Variants in RSPO2 observed in about 807,000 individuals in gnomAD.
RSPO2 encodes R-spondin 2.
Under a neutral mutation model 30.9 loss-of-function variants are expected in RSPO2, and 14 were observed. That is an observed-to-expected ratio of 0.45 (90% confidence interval 0.30 to 0.71). The LOEUF (loss-of-function observed/expected upper bound fraction) is 0.71, where lower values mean the gene tolerates loss of function less well. Ranked by LOEUF, RSPO2 falls within the 30% of genes least tolerant of loss-of-function variation. The pLI is 0.08. For missense variants in RSPO2, 264 were observed against 301.9 expected, an observed-to-expected ratio of 0.87 and a Z score of 0.93; for synonymous variants, 107 against 96.4, an observed-to-expected ratio of 1.11 and a Z score of -0.64.
chr8:108,053,819 G>A (rs140949810), intron 2 of RSPO2, among the ~76,000 whole-genome samples: 44 of 152,178 alleles, frequency 2.9e-4, no homozygotes, highest in Middle Eastern at 3.4e-3. Flanking sequence ...GCTAAGAAAC[G>A]TAAGAACCAC....
intron 2 of RSPO2, among the ~76,000 whole-genome samples, chr8:108,038,588 A>G (rs993490197): frequency 2.0e-5 from 3 of 152,226 alleles, no homozygotes; most frequent in Non-Finnish European, 4.4e-5. Context: ...TTAAAGGAAG[A>G]GTCCATCAAT....
At position 108,050,295 on chromosome 8, in the gene RSPO2, G is replaced by A. The variant is rs371802686; in HGVS notation, c.94+32250C>T. On this transcript the variant is annotated intron_variant, in intron 2 of 5. Transcript: ENST00000276659. ...GAATATTGGTTTTCATAAGATTTTGGATTTGAGGTATGGATCGGTTAATTA... is the reference window on the plus strand; with the variant it reads ...GAATATTGGTTTTCATAAGATTTTGAATTTGAGGTATGGATCGGTTAATTA... 2.6e-3 allele frequency among the ~76,000 whole-genome samples: 392 copies of A among 152,230 alleles called. 1 individual carries two copies. Among genetic ancestry groups the A allele is most frequent in the South Asian group, 9.1e-3 (44 of 4,828 alleles).
intron 2 of RSPO2, among the ~76,000 whole-genome samples, chr8:108,075,517 T>A (rs1038133866): frequency 4.0e-5 from 6 of 151,296 alleles, no homozygotes; most frequent in Non-Finnish European, 8.8e-5. Context: ...TACCACCAGT[T>A]TTCCCTACCA....
chr8:107,990,888 TA>T (rs1814821352), intron 2 of RSPO2, among the ~76,000 whole-genome samples: 1 of 151,984 alleles, frequency 6.6e-6, no homozygotes, highest in Admixed American at 6.6e-5. Context: ...TATCCAGAAA[TA>T]AGACCACACA....
chr8:108,058,103 G>T (rs180722959), intron 2 of RSPO2, among the ~76,000 whole-genome samples: 27 of 149,198 alleles, frequency 1.8e-4, no homozygotes, highest in African/African-American at 6.1e-4. Flanking sequence ...TATGATATTG[G>T]CTGTGGGTGT....
intron 2 of RSPO2, among the ~76,000 whole-genome samples, chr8:107,999,661 C>T (rs2130553133): frequency 6.6e-6 from 1 of 152,278 alleles, no homozygotes; most frequent in East Asian, 1.9e-4. Flanking sequence ...TCTCGAACTT[C>T]TGGCCTCAAG....
At chr8:107,993,152 G>A (rs938369058) in intron 2 of RSPO2, among the ~76,000 whole-genome samples, 6 of 152,128 alleles carry the variant, frequency 3.9e-5, no homozygotes, top group African/African-American at 1.4e-4. Context: ...CAAACTTAAA[G>A]CATTCAGAGT....
At chr8:108,051,385 A>C (rs1267828606) in intron 2 of RSPO2, among the ~76,000 whole-genome samples, 2 of 152,168 alleles carry the variant, frequency 1.3e-5, no homozygotes, top group Non-Finnish European at 2.9e-5. Context: ...TTCCACCAGC[A>C]GGGGGAAAAA....
At chr8:107,953,380 C>T (rs1041875322) in intron 5 of RSPO2, among the ~76,000 whole-genome samples, 1 of 152,176 alleles carries the variant, frequency 6.6e-6, no homozygotes, top group Non-Finnish European at 1.5e-5. Context: ...GAGAGTAGGG[C>T]CTTCACAGGG....
At chr8:107,960,445 C>T (rs978000450) in intron 4 of RSPO2, among the ~76,000 whole-genome samples, 2 of 151,978 alleles carry the variant, frequency 1.3e-5, no homozygotes, top group African/African-American at 4.8e-5. Flanking sequence ...ACCTTGTTAG[C>T]ACTTAAGTAG....
chr8:108,057,055 C>CAAAAAAAAAAAAA (rs56727719), intron 2 of RSPO2, among the ~76,000 whole-genome samples: 21 of 36,082 alleles, frequency 5.8e-4, no homozygotes, highest in East Asian at 8.1e-4. Context: ...GACTCTGTCT[C>CAAAAAAAAAAAAA]AAAAAAAAAA....
At position 107,923,871 on chromosome 8, in the gene RSPO2, A is replaced by T. The variant is rs554477510; in HGVS notation, c.617-22681T>A. 7.9e-5 allele frequency among the ~76,000 whole-genome samples: 12 copies of T among 152,218 alleles called. No homozygotes were observed. In the East Asian group the frequency reaches 9.7e-4, roughly 12 times the overall value. On this transcript the variant is annotated intron_variant, in intron 5 of 5. Coordinates refer to ENST00000276659, the MANE Select transcript of RSPO2 (RefSeq NM_178565.5). ...AACTAAATACCCCATGTTCTCAATT[A>T]TAAGTGGGAGCTAAATGATGAACAC...
At chr8:108,013,062 G>A (rs1244399354) in intron 2 of RSPO2, among the ~76,000 whole-genome samples, 2 of 152,112 alleles carry the variant, frequency 1.3e-5, no homozygotes, top group African/African-American at 2.4e-5. Context: ...CAAAGGTTAG[G>A]AGTGAACCCA....
chr8:108,077,772 A>G (rs1278197503), intron 2 of RSPO2, among the ~76,000 whole-genome samples: 2 of 152,168 alleles, frequency 1.3e-5, no homozygotes, highest in African/African-American at 4.8e-5. Context: ...GATACGCAAC[A>G]CTGTCTTCAC....
intron 5 of RSPO2, among the ~76,000 whole-genome samples, chr8:107,938,091 G>C (rs1812777205): frequency 6.6e-6 from 1 of 152,082 alleles, no homozygotes; most frequent in South Asian, 2.1e-4. Context: ...TAAATTTCAA[G>C]TTAGGATAAA....
At position 107,930,270 on chromosome 8, in the gene RSPO2, G is replaced by A. The variant is rs141633314; in HGVS notation, c.616+27810C>T. On this transcript the variant is annotated intron_variant, in intron 5 of 5. Coordinates refer to ENST00000276659, the MANE Select transcript of RSPO2 (RefSeq NM_178565.5). ...AGAGGTACTAAGTAAAGAAGCTTAC[G>A]AACCCCAAAGATTTCACTCTTTAAC... 3.7e-4 allele frequency among the ~76,000 whole-genome samples: 57 copies of A among 152,274 alleles called. No individual in the cohort carries two copies. In the East Asian group the frequency reaches 8.1e-3, roughly 22 times the overall value.
At position 107,939,478 on chromosome 8, in the gene RSPO2, CTTTTTTTT is replaced by C. The variant is rs10558817; in HGVS notation, c.616+18594_616+18601del. Among the ~76,000 whole-genome samples, 1,229 of 140,352 alleles carry C rather than the reference CTTTTTTTT, an allele frequency of 8.8e-3. 21 individuals are homozygous for C. The highest frequency in any genetic ancestry group is 0.051 in the Admixed American group (732 of 14,276). The allele number at this position is 140,352 out of a possible 152,430, so 92.1% of individuals were successfully genotyped here. ...CGACAATTTAAATAAATTAAATTAT[CTTTTTTTT>C]TTTTTTTTTTTTTAACATTAAGGCT... On this transcript the variant is annotated intron_variant, in intron 5 of 5. Transcript: ENST00000276659.
chr8:108,024,075 G>A (rs985024830), intron 2 of RSPO2, among the ~76,000 whole-genome samples: 34 of 151,818 alleles, frequency 2.2e-4, no homozygotes, highest in Non-Finnish European at 7.4e-5. Flanking sequence ...TAAAAGTAGG[G>A]GAATTTGACA....
chr8:107,989,633 C>G (rs907574579), intron 2 of RSPO2: 19 of 161,190 alleles, frequency 1.2e-4, no homozygotes, highest in African/African-American at 4.5e-4. Flanking sequence ...ACCCCCTGCC[C>G]TAACTGGCTA....
Sources: allele counts gnomAD v4.1 joint callset (sites outside exome capture counted in the v4.1 genomes callset), GRCh38; gene constraint gnomAD v4.1.1; transcripts MANE v1.5; gene names NCBI Gene and HGNC (gene_info 2026-07-23, HGNC 2026-07-21).